The following SH3RF2 variants were observed in gnomAD, a reference collection of about 807,000 sequenced individuals.
The protein encoded by SH3RF2 is SH3 domain containing ring finger 2, also known as E3 ubiquitin-protein ligase SH3RF2.
A neutral mutation model predicts 59.0 loss-of-function variants in SH3RF2; 43 were observed. The observed-to-expected ratio is 0.73, with a 90% confidence interval of 0.57 to 0.94. SH3RF2 has a LOEUF of 0.94. Among genes scored for constraint, SH3RF2 ranks in the 40% least tolerant of loss-of-function variants. The pLI is 0.00. For missense variants in SH3RF2, 930 were observed against 940.1 expected, an observed-to-expected ratio of 0.99 and a Z score of 0.14; for synonymous variants, 391 against 391.5, an observed-to-expected ratio of 1.00 and a Z score of 0.01.
At chr5:145,939,560 A>G (rs748366174) in intron 2 of SH3RF2, among the ~76,000 whole-genome samples, 12 of 152,162 alleles carry the variant, frequency 7.9e-5, no homozygotes, top group Non-Finnish European at 1.5e-4. Flanking sequence ...TTTTCACTGT[A>G]CACCCTTGAT....
chr5:146,014,053 G>A lies in SH3RF2; in HGVS notation c.1051G>A (p.Val351Met), dbSNP rs1418893501. 4.3e-6 allele frequency: 7 copies of A among 1,613,814 alleles called. No individual in the cohort carries two copies. Among genetic ancestry groups the A allele is most frequent in the Non-Finnish European group, 5.9e-6 (7 of 1,179,932 alleles). The change falls in exon 5 of 10, where the codon GTG (valine) becomes ATG (methionine). Residue 351 changes from valine to methionine, a missense_variant. Physicochemically the swap from Val to Met is conservative, Grantham distance 21. Transcript: ENST00000359120. Reference protein sequence around the residue: ...MEKADVPSSCVGQVSTYHPAP... With the variant: ...MEKADVPSSCMGQVSTYHPAP... ...GAAAGCAGACGTTCCTTCCAGCTGT[G>A]TGGGACAGGTAGGGAAGAAACGCCT...
At chr5:145,972,936 T>C (rs1463061916) in intron 2 of SH3RF2, among the ~76,000 whole-genome samples, 1 of 152,074 alleles carries the variant, frequency 6.6e-6, no homozygotes, top group Admixed American at 6.6e-5. Flanking sequence ...ATAATAGAGC[T>C]ACAAGAAGAA....
At chr5:145,972,943 AGAACCAAGGTAT>A (rs971657386) in intron 2 of SH3RF2, among the ~76,000 whole-genome samples, 2 of 152,192 alleles carry the variant, frequency 1.3e-5, no homozygotes, top group Non-Finnish European at 2.9e-5. Flanking sequence ...AGCTACAAGA[AGAACCAAGGTAT>A]GAACCTTGCC....
chr5:145,976,098 C>T (rs1203128087), intron 2 of SH3RF2, among the ~76,000 whole-genome samples: 1 of 152,106 alleles, frequency 6.6e-6, no homozygotes, highest in Non-Finnish European at 1.5e-5. Flanking sequence ...GAACATTAAT[C>T]GACTTAGAAT....
rs1482751724 is a variant in SH3RF2 at position 146,063,107 on chromosome 5, A to G, written c.*406A>G. The stretch of plus-strand genomic sequence containing the variant: ...TTGGCGTTGCTTCTTTGACCTTACA[A>G]TATCCTCAACAAGCATTAGAACAAC... On this transcript the variant is annotated 3_prime_UTR_variant, in exon 10 of 10. Coordinates refer to ENST00000359120, the MANE Select transcript of SH3RF2 (RefSeq NM_152550.4). 5.2e-6 allele frequency: 1 copy of G among 192,424 alleles called. No individual in the cohort carries two copies. Among genetic ancestry groups the G allele is most frequent in the Admixed American group, 5.7e-5 (1 of 17,508 alleles). 11.9% of individuals were successfully genotyped at this position (192,424 alleles called of 1,614,324 possible).
At chr5:145,959,621 G>A (rs1363623183) in intron 2 of SH3RF2, among the ~76,000 whole-genome samples, 18 of 145,428 alleles carry the variant, frequency 1.2e-4, no homozygotes, top group African/African-American at 4.2e-4. Context: ...ATATATGTGT[G>A]TGTGTGTGTG....
At chr5:145,999,575 G>A (rs1038252245) in intron 2 of SH3RF2, among the ~76,000 whole-genome samples, 3 of 151,896 alleles carry the variant, frequency 2.0e-5, no homozygotes, top group Admixed American at 6.6e-5. Flanking sequence ...GCAATTGTAG[G>A]GTCATTAATT....
Position 146,062,458 on chromosome 5 carries a change from C to G in SH3RF2, c.1947C>G (p.Ser649Arg), listed in dbSNP as rs766942836. The change falls in exon 10 of 10, where the codon AGC becomes AGG. Residue 649 changes from serine to arginine, a missense_variant. Physicochemically the swap from Ser to Arg is moderately radical, Grantham distance 110. Coordinates refer to ENST00000359120, the MANE Select transcript of SH3RF2 (RefSeq NM_152550.4). Reference protein sequence around the residue: ...QVKTVRFQNYSPPPTKHYTSH... With the variant: ...QVKTVRFQNYRPPPTKHYTSH... ...AAACCGTGAGATTTCAGAATTACAG[C>G]CCTCCTCCCACCAAACATTACACCT... is the stretch of plus-strand genomic sequence containing the variant. The G allele has an allele frequency of 6.2e-7, 1 of 1,614,120 alleles. No homozygotes were observed. Among genetic ancestry groups the G allele is most frequent in the South Asian group, 1.1e-5 (1 of 91,062 alleles).
chr5:146,022,957 A>G (rs74745910), intron 5 of SH3RF2, among the ~76,000 whole-genome samples: 3,715 of 151,856 alleles, frequency 0.024, 166 homozygotes, highest in African/African-American at 0.086. Context: ...CAGTGTTCAA[A>G]TTTTTATATT....
At chr5:145,938,572 C>G (rs549955862) in intron 2 of SH3RF2, among the ~76,000 whole-genome samples, 1 of 152,254 alleles carries the variant, frequency 6.6e-6, no homozygotes, top group South Asian at 2.1e-4. Context: ...ACAAGGAAAG[C>G]CTTTTAGATT....
chr5:146,049,092 C>T lies in SH3RF2; in HGVS notation c.1169C>T (p.Ser390Phe). 2 of 1,614,172 alleles carry T rather than the reference C, an allele frequency of 1.2e-6. No homozygotes were observed. Among genetic ancestry groups the T allele is most frequent in the African/African-American group, 1.3e-5 (1 of 75,046 alleles). Residue 390 changes from serine (S) to phenylalanine (F), a missense_variant, in exon 7 of 10, where the codon TCC (serine) becomes TTC (phenylalanine). Ser to Phe is a radical substitution (Grantham distance 155). Coordinates refer to ENST00000359120, the MANE Select transcript of SH3RF2 (RefSeq NM_152550.4). ...LSANMFVALH[S>F]YSAHGPDELD... Reference sequence around the variant, plus strand: ...CTTCCCAGGTTTGTAGCCCTGCACTCCTACTCAGCCCATGGACCCGATGAG... The same window carrying T: ...CTTCCCAGGTTTGTAGCCCTGCACTTCTACTCAGCCCATGGACCCGATGAG...
At chr5:145,971,919 T>A (rs985108739) in intron 2 of SH3RF2, among the ~76,000 whole-genome samples, 3 of 152,128 alleles carry the variant, frequency 2.0e-5, no homozygotes, top group Non-Finnish European at 4.4e-5. Context: ...TGGCTAACAA[T>A]TTGTAAGCAT....
intron 8 of SH3RF2, among the ~76,000 whole-genome samples, chr5:146,057,765 C>A (rs531481342): frequency 1.9e-4 from 29 of 152,002 alleles, no homozygotes; most frequent in African/African-American, 6.3e-4. Flanking sequence ...TATAGTGAGA[C>A]CTCATCTCTA....
chr5:145,978,659 GAGTT>G (rs1037115359), intron 2 of SH3RF2, among the ~76,000 whole-genome samples: 1 of 150,070 alleles, frequency 6.7e-6, no homozygotes, highest in African/African-American at 2.5e-5. Flanking sequence ...TAGGAGGCAG[GAGTT>G]AGTTAGGAGG....
chr5:145,938,242 AC>A lies in SH3RF2; in HGVS notation c.318del (p.Arg107AspfsTer10), dbSNP rs1561699533. On this transcript the variant is annotated frameshift_variant, in exon 2 of 10. Transcript: ENST00000359120. LOFTEE classifies it high-confidence loss of function. ...TLQDGRKSRT[N>X]PRRLQASPFR... ...CAGGATGGCAGGAAAAGCAGGACCAACCCCAGACGTCTGCAGGCCAGTCCTT... is the reference window on the plus strand; with the variant it reads ...CAGGATGGCAGGAAAAGCAGGACCAACCCAGACGTCTGCAGGCCAGTCCTT... The A allele has an allele frequency of 1.2e-6, 2 of 1,609,002 alleles. No individual in the cohort carries two copies. Among genetic ancestry groups the A allele is most frequent in the South Asian group, 2.2e-5 (2 of 90,754 alleles).
At chr5:145,964,184 C>A (rs956823886) in intron 2 of SH3RF2, among the ~76,000 whole-genome samples, 2 of 149,906 alleles carry the variant, frequency 1.3e-5, no homozygotes, top group African/African-American at 4.9e-5. Flanking sequence ...CTTTCTTTTT[C>A]TTTCTTCTTT....
downstream of SH3RF2, among the ~76,000 whole-genome samples, chr5:146,066,560 A>G (rs1763110368): frequency 6.6e-6 from 1 of 152,194 alleles, no homozygotes; most frequent in Non-Finnish European, 1.5e-5. Flanking sequence ...CCTGCCCAGG[A>G]CTGTGGTGCT....
intron 2 of SH3RF2, among the ~76,000 whole-genome samples, chr5:145,954,090 G>A (rs115054043): frequency 3.5e-4 from 54 of 152,318 alleles, no homozygotes; most frequent in African/African-American, 1.2e-3. Flanking sequence ...GGATTACTGA[G>A]TGGAATGGTA....
intron 5 of SH3RF2, among the ~76,000 whole-genome samples, chr5:146,033,471 TTTTTTTTTTTTTTTTTG>T (rs1561753574): frequency 7.9e-6 from 1 of 126,904 alleles, no homozygotes; most frequent in African/African-American, 3.0e-5. Flanking sequence ...TTTTTTTTTT[TTTTTTTTTTTTTTTTTG>T]AGATGGAGTT....
Sources: gnomAD v4.1 joint callset for allele counts (sites outside exome capture counted in the v4.1 genomes callset) on GRCh38, gnomAD v4.1.1 for gene constraint, MANE v1.5 for transcripts, NCBI Gene and HGNC (gene_info 2026-07-23, HGNC 2026-07-21) for gene names.